The following NALF1 variants were observed in gnomAD, a reference collection of about 807,000 sequenced individuals.
NALF1 encodes the protein NALCN channel auxiliary factor 1.
Under a neutral mutation model 48.4 loss-of-function variants are expected in NALF1, and 3 were observed. That is an observed-to-expected ratio of 0.06 (90% CI 0.03 to 0.16). NALF1 has a LOEUF of 0.16. Ranked by LOEUF, NALF1 falls within the 10% of genes least tolerant of loss-of-function variation. NALF1 has a pLI of 1.00. For synonymous variants in NALF1, 262 were observed against 245.7 expected (o/e 1.07, Z -0.62); for missense variants, 526 against 571.5 (o/e 0.92, Z 0.81).
At chr13:107,794,105 G>T (rs1878334517) in intron 1 of NALF1, among the ~76,000 whole-genome samples, 1 of 152,132 alleles carries the variant, frequency 6.6e-6, no homozygotes, top group Non-Finnish European at 1.5e-5. Flanking sequence ...TTATGTAAAT[G>T]ATTCCCACAG....
At chr13:107,793,245 G>A (rs1238948873) in intron 1 of NALF1, among the ~76,000 whole-genome samples, 4 of 152,158 alleles carry the variant, frequency 2.6e-5, no homozygotes, top group South Asian at 2.1e-4. Flanking sequence ...TTTTTCATAC[G>A]CTCCATATTA....
intron 2 of NALF1, among the ~76,000 whole-genome samples, chr13:107,181,158 A>G (rs1879051628): frequency 6.6e-6 from 1 of 151,400 alleles, no homozygotes; most frequent in African/African-American, 2.4e-5. Context: ...CAAAGATACA[A>G]CTCTTGAACA....
chr13:107,275,550 AT>A (rs149489541), intron 1 of NALF1, among the ~76,000 whole-genome samples: 59 of 150,830 alleles, frequency 3.9e-4, no homozygotes, highest in African/African-American at 1.2e-3. Context: ...TTGAGCAGTG[AT>A]TTTTTTTTTC....
At chr13:107,399,611 T>C (rs7318390) in intron 1 of NALF1, among the ~76,000 whole-genome samples, 135,330 of 151,834 alleles carry the variant, frequency 0.89, 60,345 homozygotes, top group East Asian at 1. Context: ...ACCTACAAAA[T>C]GCTTGTTGAT....
chr13:107,519,841 T>C (rs1031156622), intron 1 of NALF1, among the ~76,000 whole-genome samples: 2 of 152,118 alleles, frequency 1.3e-5, no homozygotes, highest in Non-Finnish European at 2.9e-5. Context: ...TTTTCAGGTA[T>C]TATTCAGTTA....
chr13:107,336,650 G>A (rs1882563245), intron 1 of NALF1, among the ~76,000 whole-genome samples: 1 of 151,942 alleles, frequency 6.6e-6, no homozygotes, highest in African/African-American at 2.4e-5. Flanking sequence ...GGTATTAATG[G>A]GATCTGAATG....
chr13:107,454,373 AC>A (rs1884790812), intron 1 of NALF1, among the ~76,000 whole-genome samples: 1 of 152,164 alleles, frequency 6.6e-6, no homozygotes, highest in African/African-American at 2.4e-5. Context: ...ATGGCAGAAG[AC>A]AAAGGGAAAG....
intron 1 of NALF1, among the ~76,000 whole-genome samples, chr13:107,829,920 A>G (rs1346134516): frequency 6.6e-6 from 1 of 152,214 alleles, no homozygotes; most frequent in African/African-American, 2.4e-5. Context: ...CAGTATCACT[A>G]CGTTGAAAGG....
chr13:107,662,173 C>T (rs995654062), intron 1 of NALF1, among the ~76,000 whole-genome samples: 8 of 152,168 alleles, frequency 5.3e-5, no homozygotes, highest in African/African-American at 1.9e-4. Flanking sequence ...ACTTTGGCAA[C>T]CACTCTTCTC....
chr13:107,178,449 A>G (rs567205714), intron 2 of NALF1, among the ~76,000 whole-genome samples: 1 of 152,368 alleles, frequency 6.6e-6, no homozygotes, highest in Non-Finnish European at 1.5e-5. Flanking sequence ...AGGTATATGA[A>G]GAAGTGCTCA....
chr13:107,699,001 A>C (rs548508946), intron 1 of NALF1, among the ~76,000 whole-genome samples: 12 of 152,272 alleles, frequency 7.9e-5, no homozygotes, highest in African/African-American at 2.9e-4. Flanking sequence ...TACAAGTGGA[A>C]GGAAAAAATA....
intron 1 of NALF1, among the ~76,000 whole-genome samples, chr13:107,562,386 G>A (rs1228418067): frequency 6.6e-6 from 1 of 152,206 alleles, no homozygotes; most frequent in African/African-American, 2.4e-5. Context: ...TCTGATCACA[G>A]GACTGTTCTG....
At position 107,584,184 on chromosome 13, in the gene NALF1, A is replaced by C. The variant is rs895001776; in HGVS notation, c.915+281498T>G. ...TGCATTTTCTGAAATGAATGAACAT[A>C]GGGAAAAGGAAATTGGTCAAATAAT... On this transcript the variant is annotated intron_variant, in intron 1 of 2. Transcript: ENST00000375915. Among the ~76,000 whole-genome samples the C allele has an allele frequency of 3.3e-5, 5 of 152,178 alleles. No homozygotes were observed. The East Asian group carries it at 9.6e-4, about 29-fold the overall frequency.
chr13:107,569,858 T>C (rs751039812), intron 1 of NALF1, among the ~76,000 whole-genome samples: 64 of 152,208 alleles, frequency 4.2e-4, no homozygotes, highest in Admixed American at 2.0e-4. Flanking sequence ...AGTATATTAG[T>C]CTTCCAATAC....
At chr13:107,616,909 C>A (rs965517834) in intron 1 of NALF1, among the ~76,000 whole-genome samples, 1 of 152,034 alleles carries the variant, frequency 6.6e-6, no homozygotes, top group African/African-American at 2.4e-5. Context: ...GCAGAAATAA[C>A]CGCTAGGTAA....
intron 1 of NALF1, among the ~76,000 whole-genome samples, chr13:107,439,556 A>G (rs1193887901): frequency 6.6e-6 from 1 of 152,200 alleles, no homozygotes; most frequent in Non-Finnish European, 1.5e-5. Flanking sequence ...AGCCTTATCT[A>G]CAGAAAGAAG....
At chr13:107,305,276 T>A (rs1881913259) in intron 1 of NALF1, among the ~76,000 whole-genome samples, 1 of 152,170 alleles carries the variant, frequency 6.6e-6, no homozygotes, top group African/African-American at 2.4e-5. Context: ...GAAAACCACA[T>A]AATAAGTCAT....
intron 1 of NALF1, among the ~76,000 whole-genome samples, chr13:107,457,137 T>A (rs577444634): frequency 6.6e-6 from 1 of 152,036 alleles, no homozygotes; most frequent in African/African-American, 2.4e-5. Flanking sequence ...CCATTCAAGA[T>A]GAATAAATGC....
At chr13:107,343,366 G>A (rs1296766905) in intron 1 of NALF1, among the ~76,000 whole-genome samples, 3 of 152,126 alleles carry the variant, frequency 2.0e-5, no homozygotes, top group Non-Finnish European at 2.9e-5. Context: ...GTTGTGGGAG[G>A]GACCCAGTGG....
Sources: allele counts gnomAD v4.1 joint callset (sites outside exome capture counted in the v4.1 genomes callset), GRCh38; gene constraint gnomAD v4.1.1; transcripts MANE v1.5; gene names NCBI Gene and HGNC (gene_info 2026-07-23, HGNC 2026-07-21).